Variants in AGBL1 observed in about 807,000 individuals in gnomAD.
AGBL1 encodes AGBL carboxypeptidase 1.
Under a neutral mutation model 118.9 loss-of-function variants are expected in AGBL1, and 130 were observed. The observed-to-expected ratio is 1.09, with a 90% CI of 0.95 to 1.26. AGBL1 has a LOEUF of 1.26. Ranked by LOEUF, AGBL1 falls within the 50% of genes most tolerant of loss-of-function variation. The probability of loss-of-function intolerance (pLI) is 0.00; values close to 1 mark genes in which losing one functional copy is unlikely to be tolerated. For missense variants in AGBL1, 1,584 were observed against 1,298.1 expected (o/e 1.22, Z -3.38); for synonymous variants, 555 against 478.9 (o/e 1.16, Z -2.08).
chr15:86,481,196 A>AG (rs2142123522), intron 18 of AGBL1, among the ~76,000 whole-genome samples: 2 of 150,644 alleles, frequency 1.3e-5, no homozygotes, highest in South Asian at 4.2e-4. Context: ...GGATTTCTTG[A>AG]GGGTTTCTTG....
intron 18 of AGBL1, among the ~76,000 whole-genome samples, chr15:86,452,446 C>T (rs920924205): frequency 6.6e-6 from 1 of 152,106 alleles, no homozygotes; most frequent in African/African-American, 2.4e-5. Flanking sequence ...ATGTAATTTC[C>T]ATTTACTCTC....
At chr15:86,114,218 G>T (rs1897615911) in intron 1 of AGBL1, among the ~76,000 whole-genome samples, 1 of 152,226 alleles carries the variant, frequency 6.6e-6, no homozygotes, top group South Asian at 2.1e-4. Context: ...GAAATATTAA[G>T]ATGATGTTAT....
At chr15:86,192,426 A>T (rs995793282) in intron 5 of AGBL1, among the ~76,000 whole-genome samples, 1 of 151,874 alleles carries the variant, frequency 6.6e-6, no homozygotes, top group Admixed American at 6.6e-5. Context: ...ATGTACATAC[A>T]TATGTGTATG....
At chr15:86,959,206 GCTCT>G (rs1172634065) in intron 23 of AGBL1, among the ~76,000 whole-genome samples, 3 of 151,990 alleles carry the variant, frequency 2.0e-5, no homozygotes, top group African/African-American at 7.2e-5. Flanking sequence ...TAATCTTATT[GCTCT>G]CTGTTTTTAT....
At position 87,018,396 on chromosome 15, in the gene AGBL1, TCAGACTAA is replaced by T. The variant is rs2081628918; in HGVS notation, c.3324-10426_3324-10419del. Among the ~76,000 whole-genome samples the T allele has an allele frequency of 2.0e-5, 3 of 152,084 alleles. No individual in the cohort carries two copies. In the South Asian group the frequency reaches 6.2e-4, roughly 32 times the overall value. On this transcript the variant is annotated intron_variant, in intron 24 of 24. Coordinates refer to the AGBL1 transcript ENST00000441037. ...CAGGTCACCTACAAAGGGAAGCCCA[TCAGACTAA>T]CAATGGACATCTCAGAAGAAATCCT...
chr15:86,096,143 A>G (rs1896366274), intron 1 of AGBL1, among the ~76,000 whole-genome samples: 1 of 152,248 alleles, frequency 6.6e-6, no homozygotes, highest in African/African-American at 2.4e-5. Flanking sequence ...AACTTTTTAT[A>G]TAGCCATAGT....
chr15:86,917,727 G>C (rs1003276601), downstream of AGBL1, among the ~76,000 whole-genome samples: 2 of 152,102 alleles, frequency 1.3e-5, no homozygotes, highest in African/African-American at 4.8e-5. This position sits in a 1 kb window ranked among gnomAD's most constrained non-coding sequence, Gnocchi z 4.8. Flanking sequence ...CTGTGCATTA[G>C]ATGGTACCAA....
intron 22 of AGBL1, among the ~76,000 whole-genome samples, chr15:86,817,447 G>T (rs2078875374): frequency 6.8e-6 from 1 of 146,966 alleles, no homozygotes; most frequent in Non-Finnish European, 1.5e-5. Flanking sequence ...GCAAGTGTGT[G>T]TGTGTCTCTG....
chr15:86,466,666 G>A (rs865785119), intron 18 of AGBL1, among the ~76,000 whole-genome samples: 3 of 152,230 alleles, frequency 2.0e-5, no homozygotes, highest in African/African-American at 4.8e-5. Context: ...GTGACCTTCA[G>A]ATGGAGTTTT....
In AGBL1 at chr15:86,129,257, G is replaced by A. The variant is rs150837664; in HGVS notation, c.52-12747G>A. Among the ~76,000 whole-genome samples, 672 of 152,250 alleles carry A rather than the reference G, an allele frequency of 4.4e-3. 4 individuals carry two copies. Among genetic ancestry groups the A allele is most frequent in the Non-Finnish European group, 5.2e-3 (351 of 68,014 alleles). ...AATGAAACTTGCTAAATTTAACTAC[G>A]TTGTCACTTAACCCTCTGTGTGTGT... On this transcript the variant is annotated intron_variant, in intron 1 of 22. Transcript: ENST00000614907.
chr15:86,242,012 T>A (rs967464550), intron 6 of AGBL1, among the ~76,000 whole-genome samples: 1 of 152,118 alleles, frequency 6.6e-6, no homozygotes, highest in African/African-American at 2.4e-5. Flanking sequence ...GTTCTTATGA[T>A]AGTTAATAAG....
chr15:86,686,444 T>TTG (rs1465381596), intron 22 of AGBL1, among the ~76,000 whole-genome samples: 1 of 140,470 alleles, frequency 7.1e-6, no homozygotes, highest in Non-Finnish European at 1.6e-5. Context: ...TATTCTAAGT[T>TTG]TTTTTTTTTT....
intron 18 of AGBL1, among the ~76,000 whole-genome samples, chr15:86,480,843 G>T (rs1201023321): frequency 5.3e-5 from 8 of 152,022 alleles, no homozygotes; most frequent in African/African-American, 2.4e-5. Flanking sequence ...GGTCAGAAAG[G>T]CTAAGAATAT....
At chr15:86,241,931 C>G (rs1248333978) in intron 6 of AGBL1, among the ~76,000 whole-genome samples, 1 of 152,166 alleles carries the variant, frequency 6.6e-6, no homozygotes, top group Non-Finnish European at 1.5e-5. Flanking sequence ...GTAGCTCTCA[C>G]AGTTCCCACG....
intron 21 of AGBL1, among the ~76,000 whole-genome samples, chr15:86,627,992 T>G (rs2084913080): frequency 6.6e-6 from 1 of 152,176 alleles, no homozygotes; most frequent in Non-Finnish European, 1.5e-5. Context: ...CGGGGCTGTT[T>G]AGGAGAGCTG....
chr15:86,908,902 C>G lies in AGBL1; in HGVS notation c.*1608C>G, dbSNP rs572699142. 6.6e-6 allele frequency: 1 copy of G among 152,304 alleles called. No individual in the cohort carries two copies. Among genetic ancestry groups the G allele is most frequent in the Non-Finnish European group, 1.5e-5 (1 of 68,036 alleles). 9.4% of individuals were successfully genotyped at this position (152,304 alleles called of 1,614,324 possible). On this transcript the variant is annotated 3_prime_UTR_variant, in exon 23 of 23. Transcript: ENST00000614907. ...GCTTTCATAAGGCATAAGTCTATTT[C>G]TCTTTCCTGTGGAATTTTACACACT...
intron 22 of AGBL1, among the ~76,000 whole-genome samples, chr15:86,873,319 G>A (rs1423460241): frequency 6.6e-6 from 1 of 152,002 alleles, no homozygotes; most frequent in East Asian, 1.9e-4. Context: ...TTATATAAAG[G>A]GGTTAGTAAT....
intron 23 of AGBL1, among the ~76,000 whole-genome samples, chr15:86,925,162 G>A (rs1320991844): frequency 4.4e-5 from 1 of 22,520 alleles, no homozygotes; most frequent in Non-Finnish European, 1.4e-4. Context: ...GGAGGAGGAG[G>A]AGGAGGAAGA....
chr15:86,596,165 G>A (rs1246485852), intron 21 of AGBL1, among the ~76,000 whole-genome samples: 1 of 151,998 alleles, frequency 6.6e-6, no homozygotes, highest in Non-Finnish European at 1.5e-5. Flanking sequence ...AAAATTAGCT[G>A]GACATGTTGG....
Sources: gnomAD v4.1 joint callset for allele counts (sites outside exome capture counted in the v4.1 genomes callset) on GRCh38, gnomAD v4.1.1 for gene constraint, Gnocchi (gnomAD v3.1) non-coding constraint, MANE v1.5 for transcripts, NCBI Gene and HGNC (gene_info 2026-07-23, HGNC 2026-07-21) for gene names.